MELK: variants seen among roughly 807,000 people sequenced by gnomAD.
MELK encodes the protein pEg3 kinase.
A neutral mutation model predicts 85.0 loss-of-function variants in MELK; 81 were observed. The ratio of observed to expected loss-of-function variants is 0.95; its 90% CI spans 0.80 to 1.15. The LOEUF (loss-of-function observed/expected upper bound fraction) is 1.15. Among genes scored for constraint, MELK ranks in the 50% most tolerant of loss-of-function variants. MELK has a pLI of 0.00. For missense variants in MELK, 754 were observed against 777.5 expected (o/e 0.97, Z 0.36); for synonymous variants, 252 against 265.0 (o/e 0.95, Z 0.48).
rs200203253 is a variant in MELK, at chr9:36,657,357, A to T, written c.1170A>T (p.Thr390=). 3.7e-6 allele frequency: 6 copies of T among 1,605,290 alleles called. No individual in the cohort carries two copies. Among genetic ancestry groups the T allele is most frequent in the Non-Finnish European group, 5.1e-6 (6 of 1,177,626 alleles). The change falls in exon 13 of 18, where the codon ACA becomes ACT. Residue 390 remains threonine (T), a synonymous_variant. Coordinates refer to ENST00000298048, the MANE Select transcript of MELK (RefSeq NM_014791.4). ...CAACAGGTGCTGCTACTCCCCGAAC[A>T]TCACAGGTTCGTCATTCTTATTACT... The part of the protein sequence containing the change: ...DLSTGAATPR[T]SQFTKYWTES...
rs957513818 is a variant in MELK, at chr9:36,630,496, C to A, written c.735+129C>A. 9 of 707,860 alleles carry A rather than the reference C, an allele frequency of 1.3e-5. No individual in the cohort carries two copies. In the East Asian group the frequency reaches 1.8e-4, roughly 14 times the overall value. The allele number at this position is 707,860 out of a possible 1,614,324, so 43.8% of individuals were successfully genotyped here. A position where few individuals can be genotyped will look rare whatever the true frequency, so the allele number is the denominator to read the frequency against. On this transcript the variant is annotated intron_variant, in intron 9 of 17. Coordinates refer to ENST00000298048, the MANE Select transcript of MELK (RefSeq NM_014791.4). Reference sequence around the variant, plus strand: ...CACTCATATCTACCTTGAAAATATCCTCTATTAGATCCTTTCTTAATTATG... The same window carrying A: ...CACTCATATCTACCTTGAAAATATCATCTATTAGATCCTTTCTTAATTATG...
In MELK at chr9:36,657,348, TC is replaced by T. The variant is rs898345373; in HGVS notation, c.1165del (p.Arg389GlufsTer20). The T allele has an allele frequency of 4.4e-6, 7 of 1,608,598 alleles. No homozygotes were observed. In the Admixed American group the frequency reaches 6.9e-5, roughly 16 times the overall value. On this transcript the variant is annotated frameshift_variant, in exon 13 of 18. Coordinates refer to ENST00000298048, the MANE Select transcript of MELK (RefSeq NM_014791.4). LOFTEE classifies it high-confidence loss of function. The stretch of plus-strand genomic sequence containing the variant: ...ATGATTTATCAACAGGTGCTGCTAC[TC>T]CCCGAACATCACAGGTTCGTCATTC... ...EDDLSTGAAT[P>X]RTSQFTKYWT...
chr9:36,673,861 G>T lies in MELK; in HGVS notation c.1675-973G>T, dbSNP rs889448752. 1.3e-4 allele frequency among the ~76,000 whole-genome samples: 20 copies of T among 152,056 alleles called. No individual in the cohort carries two copies. The South Asian group carries it at 1.5e-3, about 11-fold the overall frequency. On this transcript the variant is annotated intron_variant, in intron 16 of 17. Transcript: ENST00000298048. ...ACCTTTATATCATTAGGGTTTTTTT[G>T]TTGTTGTTGTTAATTATGTTTTCGA...
At chr9:36,617,419 A>G (rs145954969) in intron 8 of MELK, among the ~76,000 whole-genome samples, 55 of 151,708 alleles carry the variant, frequency 3.6e-4, no homozygotes, top group African/African-American at 1.3e-3. Flanking sequence ...TGCAACCTCA[A>G]TTTCCTGGGC....
chr9:36,597,045 C>T (rs760232511), intron 5 of MELK, among the ~76,000 whole-genome samples, 177 bp from the exon 6 acceptor site: 3 of 151,746 alleles, frequency 2.0e-5, no homozygotes, highest in Non-Finnish European at 4.4e-5. Context: ...TCTGTGTTGC[C>T]CAGGCTGGTC....
chr9:36,664,914 C>A (rs1832189111), intron 13 of MELK, among the ~76,000 whole-genome samples: 2 of 152,194 alleles, frequency 1.3e-5, no homozygotes, highest in African/African-American at 4.8e-5. Context: ...GCAAGCTCAA[C>A]CATAAATTTA....
chr9:36,627,654 G>A (rs1332189237), intron 8 of MELK, among the ~76,000 whole-genome samples: 4 of 151,290 alleles, frequency 2.6e-5, no homozygotes, highest in African/African-American at 9.7e-5. Flanking sequence ...AGCCTCCTGA[G>A]TAGCTGGGAA....
At chr9:36,617,885 G>C (rs1045025969) in intron 8 of MELK, among the ~76,000 whole-genome samples, 2 of 152,248 alleles carry the variant, frequency 1.3e-5, no homozygotes, top group South Asian at 2.1e-4. Context: ...CAGCACTTTG[G>C]GGGGCTGAGT....
chr9:36,637,428 ATGTGCTTC>A (rs1161580125), intron 10 of MELK, among the ~76,000 whole-genome samples: 2 of 152,252 alleles, frequency 1.3e-5, no homozygotes, highest in African/African-American at 2.4e-5. Context: ...AAGACAACTC[ATGTGCTTC>A]TGCATTCAGC....
At chr9:36,592,883 A>G (rs982091478) in intron 4 of MELK, among the ~76,000 whole-genome samples, 8 of 152,194 alleles carry the variant, frequency 5.3e-5, no homozygotes, top group African/African-American at 1.9e-4. Context: ...CCCACCCCAA[A>G]GTATAAAACA....
At chr9:36,646,596 A>G (rs1250344188) in intron 11 of MELK, among the ~76,000 whole-genome samples, 1 of 152,206 alleles carries the variant, frequency 6.6e-6, no homozygotes, top group Non-Finnish European at 1.5e-5. Flanking sequence ...CTGTTCCTCC[A>G]GCCCTGAGTG....
chr9:36,592,172 C>CTTTT (rs35073009), intron 4 of MELK, among the ~76,000 whole-genome samples: 65 of 117,280 alleles, frequency 5.5e-4, no homozygotes, highest in African/African-American at 7.4e-4. Context: ...CATTTCTTTT[C>CTTTT]TTTTTTTTTT....
chr9:36,665,586 T>C lies in MELK; in HGVS notation c.1408+5T>C. The C allele has an allele frequency of 1.3e-6, 2 of 1,595,844 alleles. No homozygotes were observed. The highest frequency in any genetic ancestry group is 1.7e-6 in the Non-Finnish European group (2 of 1,167,194). On this transcript the variant is annotated splice_donor_5th_base_variant and intron_variant, in intron 14 of 17. Transcript: ENST00000298048. The stretch of plus-strand genomic sequence containing the variant: ...GTTACACTACACCCTCAAAAGGTAT[T>C]TGCTAAGTGAATTAAGCAGTAAGAA...
At position 36,584,014 on chromosome 9, in the gene MELK, A is replaced by T. The variant is rs1254576582; in HGVS notation, c.144+302A>T. On this transcript the variant is annotated intron_variant, in intron 3 of 17. Coordinates refer to ENST00000298048, the MANE Select transcript of MELK (RefSeq NM_014791.4). ...TCTTTTCTTTTCTTTATTATTTTTT[A>T]TTTTTTTTTGAGACGGAGTCTCGCT... Among the ~76,000 whole-genome samples, 4 of 150,234 alleles carry T rather than the reference A, an allele frequency of 2.7e-5. No individual in the cohort carries two copies. In the South Asian group the frequency reaches 6.3e-4, roughly 24 times the overall value.
chr9:36,594,294 G>A (rs3780352), intron 4 of MELK, among the ~76,000 whole-genome samples: 34,262 of 152,150 alleles, frequency 0.23, 6,302 homozygotes, highest in African/African-American at 0.51. Context: ...TAATTACACT[G>A]AATGAGAGTA....
At chr9:36,601,641 A>G (rs1824937171) in intron 7 of MELK, among the ~76,000 whole-genome samples, 1 of 152,228 alleles carries the variant, frequency 6.6e-6, no homozygotes, top group Non-Finnish European at 1.5e-5. Flanking sequence ...GTACTGAAAT[A>G]CAATCACATT....
intron 1 of MELK, among the ~76,000 whole-genome samples, chr9:36,579,526 C>T (rs984775163): frequency 3.3e-5 from 5 of 152,252 alleles, no homozygotes; most frequent in African/African-American, 9.6e-5. Context: ...CTAGAATATA[C>T]ACTCCATGAG....
At chr9:36,594,215 T>TA (rs1438292866) in intron 4 of MELK, among the ~76,000 whole-genome samples, 9 of 152,210 alleles carry the variant, frequency 5.9e-5, no homozygotes, top group Admixed American at 5.2e-4. Flanking sequence ...CTCCTTCTGG[T>TA]ACAGATTGAA....
chr9:36,665,758 T>C (rs1832280057), intron 14 of MELK, among the ~76,000 whole-genome samples, 177 bp downstream of exon 14: 1 of 152,200 alleles, frequency 6.6e-6, no homozygotes. Flanking sequence ...CAATTTCAAT[T>C]TATTCTCAAA....
Sources: gnomAD v4.1 joint callset for allele counts (sites outside exome capture counted in the v4.1 genomes callset) on GRCh38, gnomAD v4.1.1 for gene constraint, MANE v1.5 for transcripts, NCBI Gene and HGNC (gene_info 2026-07-23, HGNC 2026-07-21) for gene names.